The following NRXN1 variants were observed in gnomAD, a reference collection of about 807,000 sequenced individuals.
NRXN1 encodes neurexin-1.
In NRXN1, 39 loss-of-function variants were observed where a neutral mutation model predicts 150.9. The ratio of observed to expected loss-of-function variants is 0.26; its 90% CI spans 0.20 to 0.34. The LOEUF (loss-of-function observed/expected upper bound fraction) is 0.34. NRXN1 is among the 10% of genes least tolerant of loss of function. The pLI is 1.00. For synonymous variants in NRXN1, 924 were observed against 757.0 expected (o/e 1.22, Z -3.62); for missense variants, 1,815 against 1,949.9 (o/e 0.93, Z 1.30).
intron 17 of NRXN1, among the ~76,000 whole-genome samples, chr2:50,309,579 T>C (rs762358795): frequency 6.6e-6 from 1 of 152,138 alleles, no homozygotes; most frequent in Non-Finnish European, 1.5e-5. Context: ...TCTGTCCTGG[T>C]TTTCTATGGC....
chr2:50,923,987 G>C (rs1686482765), intron 3 of NRXN1, among the ~76,000 whole-genome samples: 1 of 151,786 alleles, frequency 6.6e-6, no homozygotes, highest in South Asian at 2.1e-4. Context: ...TTAACAAAAA[G>C]TTCACACAGG....
chr2:50,584,531 G>T (rs1177029324), intron 8 of NRXN1, among the ~76,000 whole-genome samples: 1 of 152,008 alleles, frequency 6.6e-6, no homozygotes, highest in African/African-American at 2.4e-5. Context: ...CTCCCTTTCT[G>T]AACAAAAGGA....
At chr2:50,490,948 G>A (rs936436734) in intron 15 of NRXN1, among the ~76,000 whole-genome samples, 9 of 151,450 alleles carry the variant, frequency 5.9e-5, no homozygotes, top group Non-Finnish European at 8.8e-5. Context: ...CCCTTATATA[G>A]ACTAAAAAAA....
At chr2:50,792,470 C>G (rs985995564) in intron 5 of NRXN1, among the ~76,000 whole-genome samples, 4 of 151,970 alleles carry the variant, frequency 2.6e-5, no homozygotes, top group African/African-American at 9.7e-5. Context: ...TTATCTAATA[C>G]TATAATACTC....
At chr2:50,001,295 T>G (rs192313247) in intron 21 of NRXN1, among the ~76,000 whole-genome samples, 3 of 152,164 alleles carry the variant, frequency 2.0e-5, no homozygotes, top group African/African-American at 7.2e-5. Flanking sequence ...GACTGCTCAA[T>G]AAATAGTATT....
chr2:51,009,858 T>A (rs1414991454), intron 2 of NRXN1, among the ~76,000 whole-genome samples: 2 of 151,916 alleles, frequency 1.3e-5, no homozygotes, highest in African/African-American at 2.4e-5. Context: ...GGACCCTGCA[T>A]CTTGTTAGGA....
intron 5 of NRXN1, among the ~76,000 whole-genome samples, chr2:50,781,973 G>A (rs959001426): frequency 6.6e-5 from 10 of 152,154 alleles, no homozygotes; most frequent in African/African-American, 2.4e-4. Flanking sequence ...ACAAATGTTA[G>A]TTGTTATTAA....
chr2:49,932,240 G>A (rs1384257268), intron 22 of NRXN1, among the ~76,000 whole-genome samples: 1 of 152,014 alleles, frequency 6.6e-6, no homozygotes, highest in Non-Finnish European at 1.5e-5. Context: ...ACAAAGGGAG[G>A]AGACTCTGTC....
intron 5 of NRXN1, among the ~76,000 whole-genome samples, chr2:50,809,097 A>C (rs2105749775): frequency 6.6e-6 from 1 of 152,256 alleles, no homozygotes; most frequent in African/African-American, 2.4e-5. Flanking sequence ...TTACAGATTA[A>C]GAATCAGACA....
At chr2:50,905,407 G>A (rs760378933) in intron 5 of NRXN1, among the ~76,000 whole-genome samples, 1 of 152,136 alleles carries the variant, frequency 6.6e-6, no homozygotes, top group Non-Finnish European at 1.5e-5. Flanking sequence ...TAGGGAGTAA[G>A]AGAGCCTAGG....
chr2:51,022,067 G>A (rs1205129206), intron 2 of NRXN1, among the ~76,000 whole-genome samples: 3 of 151,868 alleles, frequency 2.0e-5, no homozygotes, highest in Non-Finnish European at 4.4e-5. Context: ...GGCAGGTAAT[G>A]GATCATTATT....
chr2:50,487,399 AC>A (rs2090950238), intron 15 of NRXN1, among the ~76,000 whole-genome samples: 1 of 152,192 alleles, frequency 6.6e-6, no homozygotes. Flanking sequence ...GACACAGAAA[AC>A]CACATTCATG....
At chr2:50,549,112 A>G (rs2105323142) in intron 9 of NRXN1, among the ~76,000 whole-genome samples, 1 of 152,252 alleles carries the variant, frequency 6.6e-6, no homozygotes, top group Middle Eastern at 3.4e-3. Flanking sequence ...GGTAAAATAA[A>G]TTATTTCATG....
intron 19 of NRXN1, among the ~76,000 whole-genome samples, chr2:50,059,366 T>C (rs1010455775): frequency 1.3e-5 from 2 of 152,258 alleles, no homozygotes; most frequent in Non-Finnish European, 2.9e-5. Context: ...GTGACTTGTG[T>C]GCTCTTAAAA....
chr2:50,793,116 A>C (rs1371269558), intron 5 of NRXN1, among the ~76,000 whole-genome samples: 2 of 152,130 alleles, frequency 1.3e-5, no homozygotes, highest in African/African-American at 4.8e-5. Context: ...TTTTGAGATG[A>C]TATGATTTAT....
chr2:50,968,887 C>G (rs2104765788), intron 2 of NRXN1, among the ~76,000 whole-genome samples: 1 of 152,166 alleles, frequency 6.6e-6, no homozygotes, highest in African/African-American at 2.4e-5. Flanking sequence ...TCATATCACT[C>G]TTCTGCTTAG....
intron 17 of NRXN1, among the ~76,000 whole-genome samples, chr2:50,295,902 G>T (rs2073502556): frequency 6.6e-6 from 1 of 152,186 alleles, no homozygotes; most frequent in Admixed American, 6.5e-5. Context: ...ACCTGTAAAA[G>T]CTTCACCAGT....
intron 8 of NRXN1, among the ~76,000 whole-genome samples, chr2:50,555,936 G>A (rs1413562254): frequency 6.6e-6 from 1 of 152,078 alleles, no homozygotes; most frequent in African/African-American, 2.4e-5. Flanking sequence ...ACTCTCCAGA[G>A]GTTTATACAC....
rs1427793667 is a variant in NRXN1, at chr2:50,788,383, G to A, written c.832+133486C>T. ...ATTACAGGCATGAGCCACCGCGCCC[G>A]GCCTCCCCACTGGTTTTAAGCACTT... On this transcript the variant is annotated intron_variant, in intron 5 of 22. Transcript: ENST00000401669. Among the ~76,000 whole-genome samples the A allele has an allele frequency of 6.6e-5, 10 of 152,074 alleles. No homozygotes were observed. In the South Asian group the frequency reaches 1.0e-3, roughly 16 times the overall value.
Sources: allele counts gnomAD v4.1 joint callset (sites outside exome capture counted in the v4.1 genomes callset), GRCh38; gene constraint gnomAD v4.1.1; transcripts MANE v1.5; gene names NCBI Gene and HGNC (gene_info 2026-07-23, HGNC 2026-07-21).